Variants in SCHIP1 observed in about 807,000 individuals in gnomAD.
The protein encoded by SCHIP1 is schwannomin-interacting protein 1.
SCHIP1 carries 8 observed loss-of-function variants against 29.7 expected under a neutral mutation model. The ratio of observed to expected loss-of-function variants is 0.27; its 90% CI spans 0.16 to 0.49. The LOEUF (loss-of-function observed/expected upper bound fraction) is 0.49, where lower values mean the gene tolerates loss of function less well. Among genes scored for constraint, SCHIP1 ranks in the 20% least tolerant of loss-of-function variants. The probability of loss-of-function intolerance (pLI) is 0.99; values close to 1 mark genes in which losing one functional copy is unlikely to be tolerated. For synonymous variants in SCHIP1, 76 were observed against 94.9 expected (o/e 0.80, Z 1.16); for missense variants, 193 against 294.6 (o/e 0.66, Z 2.52).
At chr3:159,817,888 T>C in the SCHIP1 span, among the ~76,000 whole-genome samples, 53 of 152,198 alleles carry the variant, frequency 3.5e-4, no homozygotes, top group Non-Finnish European at 7.1e-4. Context: ...GCCCTCATTG[T>C]TTTGATTTTC....
the SCHIP1 span, among the ~76,000 whole-genome samples, chr3:159,311,324 T>C: frequency 4.6e-5 from 7 of 152,132 alleles, no homozygotes; most frequent in Admixed American, 4.6e-4. Flanking sequence ...CAGTGAAGAA[T>C]ATTTTGCATC....
At chr3:159,544,615 C>T in the SCHIP1 span, among the ~76,000 whole-genome samples, 2 of 151,884 alleles carry the variant, frequency 1.3e-5, no homozygotes, top group African/African-American at 2.4e-5. Flanking sequence ...AGTTAAGCAT[C>T]GTTTCATGTT....
the SCHIP1 span, among the ~76,000 whole-genome samples, chr3:159,573,026 T>G: frequency 1.3e-5 from 2 of 152,020 alleles, no homozygotes; most frequent in East Asian, 3.9e-4. Context: ...GAGATGGGTC[T>G]CCTGCACACA....
At chr3:159,305,931 A>G in the SCHIP1 span, among the ~76,000 whole-genome samples, 2 of 152,106 alleles carry the variant, frequency 1.3e-5, no homozygotes, top group Admixed American at 6.5e-5. Context: ...ATATTTCTTA[A>G]TAGAGTAACA....
At chr3:159,777,917 G>C in the SCHIP1 span, among the ~76,000 whole-genome samples, 1 of 152,104 alleles carries the variant, frequency 6.6e-6, no homozygotes, top group Admixed American at 6.5e-5. Flanking sequence ...TAAGTACAAA[G>C]TTAACATAGA....
chr3:159,671,937 C>T, the SCHIP1 span, among the ~76,000 whole-genome samples: 131 of 152,298 alleles, frequency 8.6e-4, no homozygotes, highest in Non-Finnish European at 1.2e-4. Context: ...TGCAATTCCA[C>T]ACCAGGAGAG....
chr3:159,872,385 T>C (rs1715380405), intron 2 of SCHIP1, among the ~76,000 whole-genome samples: 2 of 152,092 alleles, frequency 1.3e-5, no homozygotes, highest in Admixed American at 1.3e-4. Flanking sequence ...CCCATCCTAA[T>C]TGCCCCTTTC....
chr3:159,569,586 C>T, the SCHIP1 span, among the ~76,000 whole-genome samples: 2 of 152,108 alleles, frequency 1.3e-5, no homozygotes, highest in East Asian at 1.9e-4. Flanking sequence ...CATTTGGGTT[C>T]GTTCCAAGTC....
chr3:159,534,484 A>C, the SCHIP1 span, among the ~76,000 whole-genome samples: 2 of 152,128 alleles, frequency 1.3e-5, no homozygotes, highest in African/African-American at 4.8e-5. Flanking sequence ...TGATGATTCC[A>C]TGCATCATTC....
At chr3:159,769,736 G>A in the SCHIP1 span, among the ~76,000 whole-genome samples, 3 of 152,184 alleles carry the variant, frequency 2.0e-5, no homozygotes, top group South Asian at 6.2e-4. Context: ...GGTGACAAGA[G>A]TGAAGCTTCG....
chr3:159,892,228 C>T, intron 6 of SCHIP1, 38 bp downstream of exon 7: 1 of 1,611,654 alleles, frequency 6.2e-7, no homozygotes, highest in African/African-American at 1.3e-5. Flanking sequence ...AAGAAAAGCC[C>T]AGGGTGGTCT....
the SCHIP1 span, among the ~76,000 whole-genome samples, chr3:159,821,680 G>A: frequency 6.6e-6 from 1 of 152,102 alleles, no homozygotes; most frequent in African/African-American, 2.4e-5. Context: ...AAAAGATTTG[G>A]TTTTATTGTA....
At chr3:159,811,938 T>C in the SCHIP1 span, among the ~76,000 whole-genome samples, 1 of 151,906 alleles carries the variant, frequency 6.6e-6, no homozygotes, top group Non-Finnish European at 1.5e-5. Context: ...TTCTTATAAT[T>C]TCTCTTAGCA....
intron 2 of SCHIP1, among the ~76,000 whole-genome samples, chr3:159,882,265 G>A (rs1221560141): frequency 1.3e-5 from 2 of 152,156 alleles, no homozygotes; most frequent in Non-Finnish European, 2.9e-5. Context: ...TACAGCCCCG[G>A]GAGAGAATGT....
the SCHIP1 span, among the ~76,000 whole-genome samples, chr3:159,624,149 A>G: frequency 6.6e-6 from 1 of 152,226 alleles, no homozygotes; most frequent in Admixed American, 6.5e-5. Flanking sequence ...TGTGCTAAGC[A>G]TTAGCACAAT....
the SCHIP1 span, among the ~76,000 whole-genome samples, chr3:159,355,077 A>G: frequency 2.0e-5 from 3 of 152,118 alleles, no homozygotes; most frequent in Non-Finnish European, 2.9e-5. Flanking sequence ...TACTCAGCTT[A>G]TAGGTAAAGA....
At chr3:159,636,661 C>G in the SCHIP1 span, among the ~76,000 whole-genome samples, 1 of 152,140 alleles carries the variant, frequency 6.6e-6, no homozygotes, top group Non-Finnish European at 1.5e-5. Flanking sequence ...GGATCTGAAA[C>G]ATGAATTCAT....
chr3:159,889,258 A>G lies in SCHIP1; in HGVS notation c.589+315A>G, dbSNP rs1717253463. Among the ~76,000 whole-genome samples the G allele has an allele frequency of 1.3e-5, 2 of 152,242 alleles. 1 individual carries two copies. Among genetic ancestry groups the G allele is most frequent in the African/African-American group, 4.8e-5 (2 of 41,460 alleles). On this transcript the variant is annotated intron_variant, in intron 5 of 6. Coordinates refer to ENST00000445224, the Ensembl canonical transcript of SCHIP1. The stretch of plus-strand genomic sequence containing the variant: ...GAACACAGTTCAGTAGTTACAAGTC[A>G]TTTGCTATACAAGTATACTTTCTAC...
At chr3:159,683,148 C>T in the SCHIP1 span, among the ~76,000 whole-genome samples, 1,684 of 152,218 alleles carry the variant, frequency 0.011, 31 homozygotes, top group African/African-American at 0.038. Context: ...CTCCCAGGTT[C>T]GAGCAATTCT....
Sources: allele counts gnomAD v4.1 joint callset (sites outside exome capture counted in the v4.1 genomes callset), GRCh38; gene constraint gnomAD v4.1.1; transcripts MANE v1.5; gene names NCBI Gene and HGNC (gene_info 2026-07-23, HGNC 2026-07-21).